PTPRD: variants seen among roughly 807,000 people sequenced by gnomAD.
PTPRD encodes the protein protein tyrosine phosphatase receptor type D.
In PTPRD, 34 loss-of-function variants were observed where a neutral mutation model predicts 214.5. The observed-to-expected ratio is 0.16, with a 90% CI of 0.12 to 0.21. The LOEUF (loss-of-function observed/expected upper bound fraction) is 0.21. Ranked by LOEUF, PTPRD falls within the 10% of genes least tolerant of loss-of-function variation. PTPRD has a pLI of 1.00. For synonymous variants in PTPRD, 1,128 were observed against 845.7 expected, an observed-to-expected ratio of 1.33 and a Z score of -5.79; for missense variants, 2,545 against 2,398.7, an observed-to-expected ratio of 1.06 and a Z score of -1.27.
At chr9:8,940,109 T>G (rs1459043839) in intron 11 of PTPRD, among the ~76,000 whole-genome samples, 1 of 151,432 alleles carries the variant, frequency 6.6e-6, no homozygotes, top group African/African-American at 2.4e-5. Flanking sequence ...AGGCAAAGGT[T>G]TTCAGACTGT....
chr9:10,213,813 A>G (rs941997924), intron 3 of PTPRD, among the ~76,000 whole-genome samples: 1 of 152,076 alleles, frequency 6.6e-6, no homozygotes, highest in South Asian at 2.1e-4. Flanking sequence ...TATACATAAG[A>G]CTTCCTATAT....
intron 11 of PTPRD, among the ~76,000 whole-genome samples, chr9:8,998,228 A>G (rs1286930448): frequency 6.6e-6 from 1 of 152,092 alleles, no homozygotes; most frequent in African/African-American, 2.4e-5. Context: ...TAGGGCTTTC[A>G]AAGCTAGAGA....
At chr9:9,258,712 G>C (rs774978135) in intron 9 of PTPRD, among the ~76,000 whole-genome samples, 1 of 151,830 alleles carries the variant, frequency 6.6e-6, no homozygotes, top group Non-Finnish European at 1.5e-5. Flanking sequence ...ACTGCTTTTA[G>C]TAGAGGGTTT....
Position 8,563,682 on chromosome 9 carries a change from G to A in PTPRD, c.353-34903C>T, listed in dbSNP as rs1277445756. 8.6e-5 allele frequency among the ~76,000 whole-genome samples: 13 copies of A among 151,754 alleles called. No homozygotes were observed. In the South Asian group the frequency reaches 1.0e-3, roughly 12 times the overall value. On this transcript the variant is annotated intron_variant, in intron 14 of 45. Transcript: ENST00000381196. ...GAACTCCTGACCTTGTGTTCCACCC[G>A]CCTTGGCCTCCCTCTGTCACCCAGG...
At chr9:9,096,229 G>A (rs377600221) in intron 10 of PTPRD, among the ~76,000 whole-genome samples, 3 of 152,118 alleles carry the variant, frequency 2.0e-5, no homozygotes, top group South Asian at 2.1e-4. Flanking sequence ...TTTAGCCACC[G>A]TTGCCACAAA....
At position 8,667,288 on chromosome 9, in the gene PTPRD, G is replaced by A. The variant is rs143336738; in HGVS notation, c.65-30444C>T. Among the ~76,000 whole-genome samples the A allele has an allele frequency of 3.2e-3, 481 of 152,276 alleles. 4 individuals carry two copies. The highest frequency in any genetic ancestry group is 0.03 in the East Asian group (156 of 5,170). The stretch of plus-strand genomic sequence containing the variant: ...CGGGACGCAGAAGTTGCAGTGAGCC[G>A]AGATCATGCCATTGCACTCCAGCCT... On this transcript the variant is annotated intron_variant, in intron 12 of 45. Coordinates refer to ENST00000381196, the MANE Select transcript of PTPRD (RefSeq NM_002839.4).
chr9:8,321,034 G>A (rs1826858588), intron 44 of PTPRD, among the ~76,000 whole-genome samples: 1 of 152,080 alleles, frequency 6.6e-6, no homozygotes. Context: ...GGTTTCTACA[G>A]TCTAAACAGA....
intron 7 of PTPRD, among the ~76,000 whole-genome samples, chr9:9,629,131 G>A (rs1004820424): frequency 1.3e-5 from 2 of 151,244 alleles, no homozygotes; most frequent in Non-Finnish European, 2.9e-5. Flanking sequence ...CCAAGATCAC[G>A]CCATTGCACT....
chr9:9,944,632 G>A (rs1412162483), intron 4 of PTPRD, among the ~76,000 whole-genome samples: 1 of 151,940 alleles, frequency 6.6e-6, no homozygotes, highest in Non-Finnish European at 1.5e-5. Context: ...CCAAGAATAG[G>A]CCACATGAAG....
At chr9:9,790,403 T>C (rs12004301) in intron 5 of PTPRD, among the ~76,000 whole-genome samples, 2,167 of 152,314 alleles carry the variant, frequency 0.014, 46 homozygotes, top group African/African-American at 0.049. Flanking sequence ...TCCCTGCTTA[T>C]TGTTTTCTCT....
intron 2 of PTPRD, among the ~76,000 whole-genome samples, chr9:10,351,223 C>T (rs183247389): frequency 1.8e-4 from 27 of 152,142 alleles, no homozygotes; most frequent in African/African-American, 6.5e-4. Context: ...TTTTAATCAT[C>T]TACTATCGTG....
chr9:10,557,296 A>G (rs574349184), intron 2 of PTPRD, among the ~76,000 whole-genome samples: 4 of 152,118 alleles, frequency 2.6e-5, no homozygotes, highest in Non-Finnish European at 5.9e-5. Flanking sequence ...AAAGGATTTA[A>G]AAAAATAAAA....
intron 11 of PTPRD, among the ~76,000 whole-genome samples, chr9:8,831,931 G>C (rs1030370355): frequency 1.3e-5 from 2 of 151,974 alleles, no homozygotes; most frequent in African/African-American, 2.4e-5. Flanking sequence ...AGTTGGAAAT[G>C]GGTACAAGTT....
intron 39 of PTPRD, among the ~76,000 whole-genome samples, chr9:8,342,544 T>C (rs1209464856): frequency 6.6e-6 from 1 of 152,102 alleles, no homozygotes; most frequent in African/African-American, 2.4e-5. Context: ...CATGCGGGTT[T>C]ATCAGGCTGG....
intron 3 of PTPRD, among the ~76,000 whole-genome samples, chr9:10,133,494 G>A (rs540443923): frequency 9.2e-5 from 14 of 152,068 alleles, no homozygotes; most frequent in Admixed American, 3.3e-4. Context: ...ATACCTGTAC[G>A]TTATATATAA....
At chr9:9,866,609 G>A (rs2064021278) in intron 5 of PTPRD, among the ~76,000 whole-genome samples, 1 of 152,078 alleles carries the variant, frequency 6.6e-6, no homozygotes. Context: ...AAAACAAAGT[G>A]AAAAGTAGAA....
intron 3 of PTPRD, among the ~76,000 whole-genome samples, chr9:10,336,977 G>A (rs577103984): frequency 4.7e-4 from 72 of 151,708 alleles, no homozygotes; most frequent in African/African-American, 1.5e-3. Context: ...ATTCAAGGTC[G>A]TAGTCAAGGA....
chr9:8,703,958 T>C (rs1366627850), intron 12 of PTPRD, among the ~76,000 whole-genome samples: 1 of 152,130 alleles, frequency 6.6e-6, no homozygotes, highest in Non-Finnish European at 1.5e-5. Flanking sequence ...CCCCAACAGG[T>C]GCTCTTAACA....
chr9:10,540,943 G>T (rs1336042640), intron 2 of PTPRD, among the ~76,000 whole-genome samples: 2 of 152,078 alleles, frequency 1.3e-5, no homozygotes, highest in African/African-American at 4.8e-5. Context: ...CACTGGCAGG[G>T]GTGTATGGGA....
Sources: allele counts gnomAD v4.1 joint callset (sites outside exome capture counted in the v4.1 genomes callset), GRCh38; gene constraint gnomAD v4.1.1; transcripts MANE v1.5; gene names NCBI Gene and HGNC (gene_info 2026-07-23, HGNC 2026-07-21).